The following TNFAIP8L3 variants were observed in gnomAD, a reference collection of about 807,000 sequenced individuals.
TNFAIP8L3 encodes TNF alpha induced protein 8 like 3, also known as tumor necrosis factor alpha-induced protein 8-like protein 3.
TNFAIP8L3 carries 7 observed loss-of-function variants against 11.8 expected under a neutral mutation model. The observed-to-expected ratio is 0.59, with a 90% CI of 0.34 to 1.11. TNFAIP8L3 has a LOEUF of 1.11. Among genes scored for constraint, TNFAIP8L3 ranks in the 50% most tolerant of loss-of-function variants. The pLI, the probability that TNFAIP8L3 is intolerant of heterozygous loss-of-function variation, is 0.03. For synonymous variants in TNFAIP8L3, 98 were observed against 103.8 expected, an observed-to-expected ratio of 0.94 and a Z score of 0.34; for missense variants, 219 against 258.6, an observed-to-expected ratio of 0.85 and a Z score of 1.05.
chr15:51,079,558 T>G (rs2065376986), intron 1 of TNFAIP8L3, among the ~76,000 whole-genome samples: 1 of 152,240 alleles, frequency 6.6e-6, no homozygotes, highest in Admixed American at 6.5e-5. Flanking sequence ...AGAGCTGGCA[T>G]GTCCTCCAAC....
intron 1 of TNFAIP8L3, among the ~76,000 whole-genome samples, chr15:51,068,288 G>A (rs1297818578): frequency 6.6e-6 from 1 of 152,122 alleles, no homozygotes; most frequent in Non-Finnish European, 1.5e-5. Context: ...ACATCTTGGA[G>A]GAGGAGCCAG....
intron 1 of TNFAIP8L3, among the ~76,000 whole-genome samples, chr15:51,076,754 T>C (rs994393314): frequency 5.3e-5 from 8 of 152,140 alleles, no homozygotes; most frequent in Non-Finnish European, 7.4e-5. Flanking sequence ...GCCCTGCCCC[T>C]GCCACCCCCA....
chr15:51,093,596 G>A (rs74013134), intron 1 of TNFAIP8L3, among the ~76,000 whole-genome samples: 2,657 of 152,284 alleles, frequency 0.017, 96 homozygotes, highest in African/African-American at 0.061. Flanking sequence ...GCCGCGGTCT[G>A]TACAGGAGGG....
chr15:51,078,681 C>G lies in TNFAIP8L3; in HGVS notation c.52+15863G>C, dbSNP rs578141732. ...CCCCCTCCACATTCAACATTTCTCT[C>G]AGCTCCTTTCTCCAACCCTCCTGAA... On this transcript the variant is annotated intron_variant, in intron 1 of 1. Coordinates refer to ENST00000637513, the MANE Select transcript of TNFAIP8L3 (RefSeq NM_001311175.2). Among the ~76,000 whole-genome samples the G allele has an allele frequency of 1.8e-4, 28 of 152,080 alleles. No individual in the cohort carries two copies. The South Asian group carries it at 4.2e-3, about 23-fold the overall frequency.
intron 1 of TNFAIP8L3, among the ~76,000 whole-genome samples, chr15:51,084,347 C>T (rs1237073005): frequency 6.6e-6 from 1 of 152,122 alleles, no homozygotes; most frequent in Non-Finnish European, 1.5e-5. Context: ...GAATAATATC[C>T]CACTGTGTGG....
intron 1 of TNFAIP8L3, among the ~76,000 whole-genome samples, chr15:51,089,094 C>T (rs2065448951): frequency 1.3e-5 from 2 of 152,166 alleles, no homozygotes; most frequent in Non-Finnish European, 1.5e-5. Context: ...GCTCCCTTCC[C>T]TTCCCCCTTT....
upstream of TNFAIP8L3, among the ~76,000 whole-genome samples, chr15:51,096,634 G>A (rs759048680): frequency 2.0e-5 from 3 of 152,200 alleles, no homozygotes; most frequent in Non-Finnish European, 2.9e-5. Context: ...GCTCACGCCT[G>A]TAATCCCAGC....
chr15:51,104,725 G>A (rs1014146786), intron 1 of TNFAIP8L3, among the ~76,000 whole-genome samples: 1 of 152,192 alleles, frequency 6.6e-6, no homozygotes, highest in Non-Finnish European at 1.5e-5. Context: ...GGACCTTCTG[G>A]CCAGCGTGCC....
chr15:51,072,039 T>A (rs73408560), intron 1 of TNFAIP8L3, among the ~76,000 whole-genome samples: 30 of 152,364 alleles, frequency 2.0e-4, no homozygotes, highest in African/African-American at 6.7e-4. Flanking sequence ...TTGTATATTT[T>A]GCTTATGATT....
intron 1 of TNFAIP8L3, among the ~76,000 whole-genome samples, chr15:51,073,553 G>A (rs2065327750): frequency 6.6e-6 from 1 of 152,150 alleles, no homozygotes. Context: ...ATCTCCAATT[G>A]AGACATTTTG....
chr15:51,070,341 C>A (rs1476127732), intron 1 of TNFAIP8L3, among the ~76,000 whole-genome samples: 1 of 152,178 alleles, frequency 6.6e-6, no homozygotes, highest in Non-Finnish European at 1.5e-5. Flanking sequence ...TTCATTCCCC[C>A]AAATCCCTTG....
At chr15:51,071,158 TAAAC>T (rs1167589610) in intron 1 of TNFAIP8L3, among the ~76,000 whole-genome samples, 1 of 141,348 alleles carries the variant, frequency 7.1e-6, no homozygotes, top group Non-Finnish European at 1.6e-5. Context: ...TACATAAACA[TAAAC>T]AAAATAGAAG....
chr15:51,065,334 A>G (rs1280951151), intron 1 of TNFAIP8L3, among the ~76,000 whole-genome samples: 1 of 152,198 alleles, frequency 6.6e-6, no homozygotes, highest in Admixed American at 6.5e-5. Flanking sequence ...TAAGGGGGGA[A>G]CTTCACTGCA....
chr15:51,099,978 A>T (rs1294899049), intron 1 of TNFAIP8L3, among the ~76,000 whole-genome samples: 3 of 151,536 alleles, frequency 2.0e-5, no homozygotes, highest in African/African-American at 7.3e-5. Context: ...TCTAGCAAAA[A>T]TCTGAAACAA....
At chr15:51,063,885 G>T (rs1222375528) in intron 1 of TNFAIP8L3, among the ~76,000 whole-genome samples, 1 of 152,202 alleles carries the variant, frequency 6.6e-6, no homozygotes, top group Non-Finnish European at 1.5e-5. Flanking sequence ...TTAGGAAGTG[G>T]TTTCTAAAGT....
intron 1 of TNFAIP8L3, among the ~76,000 whole-genome samples, chr15:51,091,999 G>A (rs1191208609): frequency 6.6e-6 from 1 of 152,140 alleles, no homozygotes; most frequent in Non-Finnish European, 1.5e-5. Context: ...TGGTACTACT[G>A]TTATCCTCAT....
intron 1 of TNFAIP8L3, among the ~76,000 whole-genome samples, chr15:51,104,564 T>C (rs2065576084): frequency 6.6e-6 from 1 of 152,200 alleles, no homozygotes; most frequent in East Asian, 1.9e-4. Context: ...CTCTGTCTGC[T>C]GCAGCCTCGT....
chr15:51,078,248 G>A (rs1385668714), intron 1 of TNFAIP8L3, among the ~76,000 whole-genome samples: 1 of 150,964 alleles, frequency 6.6e-6, no homozygotes, highest in East Asian at 2.0e-4. Context: ...TGGCCCTGAG[G>A]AGTGTTTGGA....
intron 1 of TNFAIP8L3, among the ~76,000 whole-genome samples, chr15:51,101,342 C>G (rs1013453759): frequency 6.6e-6 from 1 of 152,120 alleles, no homozygotes; most frequent in Non-Finnish European, 1.5e-5. Flanking sequence ...TAAAATAGTG[C>G]GGGGCGTGGT....
Sources: gnomAD v4.1 joint callset for allele counts (sites outside exome capture counted in the v4.1 genomes callset) on GRCh38, gnomAD v4.1.1 for gene constraint, MANE v1.5 for transcripts, NCBI Gene and HGNC (gene_info 2026-07-23, HGNC 2026-07-21) for gene names.